SLCO5A1: variants seen among roughly 807,000 people sequenced by gnomAD.
SLCO5A1 encodes organic anion transporter polypeptide-related protein 4.
A neutral mutation model predicts 65.1 loss-of-function variants in SLCO5A1; 39 were observed. The observed-to-expected ratio is 0.60, with a 90% CI of 0.46 to 0.78. The LOEUF (loss-of-function observed/expected upper bound fraction) is 0.78, where lower values mean the gene tolerates loss of function less well. Ranked by LOEUF, SLCO5A1 falls within the 30% of genes least tolerant of loss-of-function variation. The pLI is 0.00. For synonymous variants in SLCO5A1, 438 were observed against 415.7 expected (o/e 1.05, Z -0.65); for missense variants, 1,029 against 1,069.4 (o/e 0.96, Z 0.53).
Position 69,669,572 on chromosome 8 carries a change from TGA to T in SLCO5A1, c.*3295_*3296del, listed in dbSNP as rs1160618951. On this transcript the variant is annotated 3_prime_UTR_variant, in exon 10 of 10. Coordinates refer to ENST00000260126, the MANE Select transcript of SLCO5A1 (RefSeq NM_030958.3). ...GCTCATGCCTGTAATCCCAGCACTT[TGA>T]GAGGCCAAGGCAGGTGGATCACTTG... is the stretch of plus-strand genomic sequence containing the variant. 6.6e-6 allele frequency: 1 copy of T among 152,130 alleles called. No homozygotes were observed. The highest frequency in any genetic ancestry group is 2.4e-5 in the African/African-American group (1 of 41,418). The allele number at this position is 152,130 out of a possible 1,614,324, so 9.4% of individuals were successfully genotyped here.
Position 69,705,124 on chromosome 8 carries a change from C to A in SLCO5A1, c.1529G>T (p.Cys510Phe). Residue 510 changes from cysteine (C) to phenylalanine (F), a missense_variant, in exon 6 of 10, where the codon TGC becomes TTC. Cys to Phe is a radical substitution (Grantham distance 205). Transcript: ENST00000260126. ...ARESAKLAMI[C>F]SGVSLLCFST... ...AAAACATAGTAAAGACACACCACTG[C>A]AGATCATTGCTAGTTTTGCAGATTC... 2 of 1,614,174 alleles carry A rather than the reference C, an allele frequency of 1.2e-6. No individual in the cohort carries two copies. The highest frequency in any genetic ancestry group is 1.7e-6 in the Non-Finnish European group (2 of 1,180,028).
At position 69,788,103 on chromosome 8, in the gene SLCO5A1, A is replaced by T. The variant is rs557692582; in HGVS notation, c.908-26228T>A. 3.9e-5 allele frequency among the ~76,000 whole-genome samples: 6 copies of T among 152,342 alleles called. No homozygotes were observed. The East Asian group carries it at 1.2e-3, about 29-fold the overall frequency. ...AATCCAGAGGTAGATTTAAAAGAAA[A>T]AAATCACACAATTTCAAATTATTTC... On this transcript the variant is annotated intron_variant, in intron 2 of 9. Coordinates refer to ENST00000260126, the MANE Select transcript of SLCO5A1 (RefSeq NM_030958.3).
chr8:69,705,129 C>T lies in SLCO5A1; in HGVS notation c.1524G>A (p.Met508Ile), dbSNP rs770534323. The T allele has an allele frequency of 3.1e-6, 5 of 1,614,072 alleles. No individual in the cohort carries two copies. The African/African-American group carries it at 6.7e-5, about 22-fold the overall frequency. ...ATAGTAAAGACACACCACTGCAGAT[C>T]ATTGCTAGTTTTGCAGATTCTCTGG... ...LGARESAKLA[M>I]ICSGVSLLCF... The change falls in exon 6 of 10, where the codon ATG becomes ATA. Residue 508 changes from methionine (M) to isoleucine (I), a missense_variant. By Grantham distance (10) the Met-to-Ile change is conservative. This residue lies in a region of SLCO5A1 where 647 missense variants were observed against 647.5 expected (regional missense o/e 1.00). Transcript: ENST00000260126.
intron 2 of SLCO5A1, among the ~76,000 whole-genome samples, chr8:69,817,956 A>G (rs1423393631): frequency 6.6e-6 from 1 of 152,002 alleles, no homozygotes; most frequent in Non-Finnish European, 1.5e-5. Flanking sequence ...TGGCTTGCAG[A>G]CTCACCTCCG....
chr8:69,673,806 G>A (rs1377326366), intron 9 of SLCO5A1, among the ~76,000 whole-genome samples: 1 of 152,164 alleles, frequency 6.6e-6, no homozygotes, highest in Non-Finnish European at 1.5e-5. Context: ...TGCAGGAAAA[G>A]TACGAGAAAA....
chr8:69,789,747 T>C (rs747197380), intron 2 of SLCO5A1, among the ~76,000 whole-genome samples: 22 of 152,202 alleles, frequency 1.4e-4, no homozygotes, highest in Non-Finnish European at 2.8e-4. Context: ...CCTTCACTAC[T>C]GTAACTTTTC....
intron 5 of SLCO5A1, among the ~76,000 whole-genome samples, chr8:69,706,017 A>C (rs774677058): frequency 9.2e-5 from 14 of 152,266 alleles, no homozygotes; most frequent in Non-Finnish European, 1.9e-4. Context: ...AATTGTAAAA[A>C]ACTGGAAATA....
chr8:69,804,616 G>A (rs1056040084), intron 2 of SLCO5A1, among the ~76,000 whole-genome samples: 1 of 152,076 alleles, frequency 6.6e-6, no homozygotes, highest in Admixed American at 6.6e-5. Flanking sequence ...GTGCCCAGCT[G>A]CTTCTTGTAT....
At chr8:69,684,954 G>C (rs970482800) in intron 6 of SLCO5A1, among the ~76,000 whole-genome samples, 1 of 152,184 alleles carries the variant, frequency 6.6e-6, no homozygotes, top group Non-Finnish European at 1.5e-5. Context: ...CTTTCACACT[G>C]TTCAAGGAGG....
chr8:69,786,989 A>G (rs1161396507), intron 2 of SLCO5A1, among the ~76,000 whole-genome samples: 2 of 152,214 alleles, frequency 1.3e-5, no homozygotes, highest in African/African-American at 2.4e-5. Context: ...AGCTGTCTGC[A>G]TGGCAGAAGG....
intron 5 of SLCO5A1, among the ~76,000 whole-genome samples, chr8:69,732,634 A>T (rs1380181571): frequency 6.6e-6 from 1 of 152,190 alleles, no homozygotes; most frequent in Non-Finnish European, 1.5e-5. Flanking sequence ...CAAGTGGGTC[A>T]GCAGAAAGAC....
At chr8:69,709,435 AG>A (rs1037181742) in intron 5 of SLCO5A1, among the ~76,000 whole-genome samples, 1 of 152,216 alleles carries the variant, frequency 6.6e-6, no homozygotes, top group Admixed American at 6.5e-5. Flanking sequence ...GCTAGAACAG[AG>A]GATAAATCCG....
chr8:69,755,148 TCTA>T (rs909653219), intron 4 of SLCO5A1, among the ~76,000 whole-genome samples: 5 of 152,234 alleles, frequency 3.3e-5, no homozygotes, highest in African/African-American at 9.6e-5. Flanking sequence ...TAGTCTGTCA[TCTA>T]CTAATACTTT....
chr8:69,673,618 C>A (rs917446658), intron 9 of SLCO5A1, among the ~76,000 whole-genome samples: 1 of 151,906 alleles, frequency 6.6e-6, no homozygotes, highest in Non-Finnish European at 1.5e-5. Flanking sequence ...TTGTATTTGT[C>A]AAGTATACCT....
chr8:69,807,828 C>T (rs1331508949), intron 2 of SLCO5A1, among the ~76,000 whole-genome samples: 4 of 152,098 alleles, frequency 2.6e-5, no homozygotes, highest in African/African-American at 4.8e-5. Context: ...CTCAGCCTCC[C>T]GAGTAGCTGG....
At chr8:69,749,558 C>T (rs551463106) in intron 4 of SLCO5A1, among the ~76,000 whole-genome samples, 6 of 151,668 alleles carry the variant, frequency 4.0e-5, no homozygotes, top group Non-Finnish European at 7.4e-5. Flanking sequence ...GCGGAGGTTG[C>T]AGTGAGCAGA....
At position 69,832,316 on chromosome 8, in the gene SLCO5A1, G is replaced by T; in HGVS notation, c.358C>A (p.Leu120Ile). The change falls in exon 2 of 10, where the codon CTC becomes ATC. Residue 120 changes from leucine (L) to isoleucine (I), a missense_variant. By Grantham distance (5) the Leu-to-Ile change is conservative (BLOSUM62 2). This residue lies in a region of SLCO5A1 where 647 missense variants were observed against 647.5 expected (regional missense o/e 1.00). Coordinates refer to ENST00000260126, the MANE Select transcript of SLCO5A1 (RefSeq NM_030958.3). This position sits in a 1 kb window ranked among gnomAD's most constrained non-coding sequence, Gnocchi z 4.5. ...CGGGAATCCGTGAGGACCACGTAGAGGCACCTTCTCTCCTGGAGCATGGCC... is the reference window on the plus strand; with the variant it reads ...CGGGAATCCGTGAGGACCACGTAGATGCACCTTCTCTCCTGGAGCATGGCC... ...ALAMLQERRCLYVVLTDSRCF... is the reference protein window; with the variant it reads ...ALAMLQERRCIYVVLTDSRCF... 6.2e-7 allele frequency: 1 copy of T among 1,614,232 alleles called. No individual in the cohort carries two copies. Among genetic ancestry groups the T allele is most frequent in the Non-Finnish European group, 8.5e-7 (1 of 1,180,032 alleles).
intron 7 of SLCO5A1, among the ~76,000 whole-genome samples, chr8:69,680,495 A>G (rs535022755): frequency 3.9e-5 from 6 of 152,312 alleles, no homozygotes; most frequent in South Asian, 2.1e-4. Context: ...GTAGTACTCC[A>G]TGGTGTATAT....
At chr8:69,772,270 C>G (rs959091901) in intron 2 of SLCO5A1, among the ~76,000 whole-genome samples, 3 of 152,070 alleles carry the variant, frequency 2.0e-5, no homozygotes, top group African/African-American at 7.2e-5. Context: ...CATATAATCC[C>G]AGCACTCTGG....
Sources: gnomAD v4.1 joint callset for allele counts (sites outside exome capture counted in the v4.1 genomes callset) on GRCh38, gnomAD v4.1.1 for gene constraint, gnomAD v4.1.1 regional missense constraint, Gnocchi (gnomAD v3.1) non-coding constraint, MANE v1.5 for transcripts, NCBI Gene and HGNC (gene_info 2026-07-23, HGNC 2026-07-21) for gene names.